MAP3K13: variants seen among roughly 807,000 people sequenced by gnomAD.
The protein encoded by MAP3K13 is leucine zipper-bearing kinase.
Under a neutral mutation model 104.0 loss-of-function variants are expected in MAP3K13, and 52 were observed. That is an observed-to-expected ratio of 0.50 (90% confidence interval 0.40 to 0.63). MAP3K13 has a LOEUF of 0.63. MAP3K13 is among the 20% of genes least tolerant of loss of function. The pLI, the probability that MAP3K13 is intolerant of heterozygous loss-of-function variation, is 0.00. For synonymous variants in MAP3K13, 394 were observed against 442.2 expected (o/e 0.89, Z 1.37); for missense variants, 914 against 1,218.5 (o/e 0.75, Z 3.72).
intron 1 of MAP3K13, among the ~76,000 whole-genome samples, chr3:185,380,474 G>A (rs1387952003): frequency 7.2e-6 from 1 of 139,142 alleles, no homozygotes; most frequent in East Asian, 2.1e-4. Context: ...TCACGTCACC[G>A]CACTCCAGCC....
At position 185,418,778 on chromosome 3, in the gene MAP3K13, T is replaced by C. The variant is rs113401904; in HGVS notation, c.-85-9719T>C. ...GATATCATTGGGCGAGCACACGCCATGGCGGAGAGAGGAGACAGCCACGCT... is the reference window on the plus strand; with the variant it reads ...GATATCATTGGGCGAGCACACGCCACGGCGGAGAGAGGAGACAGCCACGCT... On this transcript the variant is annotated intron_variant, in intron 1 of 13. Coordinates refer to ENST00000265026, the MANE Select transcript of MAP3K13 (RefSeq NM_004721.5). This position sits in a 1 kb window ranked among gnomAD's most constrained non-coding sequence, Gnocchi z 4.5. 1.9e-6 allele frequency: 3 copies of C among 1,600,082 alleles called. No individual in the cohort carries two copies. The highest frequency in any genetic ancestry group is 1.7e-6 in the Non-Finnish European group (2 of 1,169,878).
At chr3:185,471,451 CTTTTTTTT>C (rs71164510) in intron 10 of MAP3K13, among the ~76,000 whole-genome samples, 1 of 75,440 alleles carries the variant, frequency 1.3e-5, no homozygotes, top group South Asian at 4.7e-4. Context: ...ACGACCTTTA[CTTTTTTTT>C]TTTTTTTTTT....
intron 2 of MAP3K13, among the ~76,000 whole-genome samples, chr3:185,324,445 T>G (rs1276940187): frequency 2.0e-5 from 3 of 152,212 alleles, no homozygotes; most frequent in Non-Finnish European, 4.4e-5. Context: ...CTTTAAAATC[T>G]TTTGATTCCT....
rs200938180 is a variant in MAP3K13, at chr3:185,473,373, G to C, written c.2042G>C (p.Ser681Thr). Residue 681 changes from serine (S) to threonine (T), a missense_variant, in exon 11 of 14, where the codon AGC becomes ACC. Coordinates refer to ENST00000265026, the MANE Select transcript of MAP3K13 (RefSeq NM_004721.5). This position sits in a 1 kb window ranked among gnomAD's most constrained non-coding sequence, Gnocchi z 4.9. The part of the protein sequence containing the change: ...RYFGPAAALR[S>T]PLSNHAQRQL... ...TTCGGCCCAGCAGCAGCCCTGCGGA[G>C]CCCACTCAGCAACCATGCTCAGAGA... is the stretch of plus-strand genomic sequence containing the variant. 4.2e-5 allele frequency: 68 copies of C among 1,614,062 alleles called. No individual in the cohort carries two copies. Among genetic ancestry groups the C allele is most frequent in the Non-Finnish European group, 1.0e-5 (12 of 1,180,046 alleles).
At chr3:185,314,597 G>C (rs1348645000) in intron 2 of MAP3K13, among the ~76,000 whole-genome samples, 1 of 151,530 alleles carries the variant, frequency 6.6e-6, no homozygotes, top group Non-Finnish European at 1.5e-5. Context: ...GCCTGGGTGA[G>C]AGCAACTCCA....
intron 2 of MAP3K13, among the ~76,000 whole-genome samples, chr3:185,319,315 A>G (rs1457107009): frequency 1.3e-5 from 2 of 152,240 alleles, no homozygotes; most frequent in Non-Finnish European, 2.9e-5. Flanking sequence ...AAGTATACAT[A>G]TATTCCTGTG....
intron 1 of MAP3K13, among the ~76,000 whole-genome samples, chr3:185,393,619 C>T (rs531861069): frequency 1.3e-5 from 2 of 152,012 alleles, no homozygotes; most frequent in Admixed American, 6.6e-5. Flanking sequence ...CCACTGCACC[C>T]GGCTAATTTT....
intron 2 of MAP3K13, among the ~76,000 whole-genome samples, chr3:185,327,583 A>G (rs1722082666): frequency 1.3e-5 from 2 of 152,196 alleles, no homozygotes; most frequent in African/African-American, 4.8e-5. Flanking sequence ...TGCAGTAAGT[A>G]TGTAATAAAT....
intron 7 of MAP3K13, among the ~76,000 whole-genome samples, chr3:185,455,058 TGA>T (rs777185032): frequency 0.043 from 4,433 of 102,688 alleles, 733 homozygotes; most frequent in Non-Finnish European, 0.052. Flanking sequence ...GAGATATATG[TGA>T]GATATATATG....
At position 185,348,646 on chromosome 3, in the gene MAP3K13, T is replaced by A. The variant is rs542164215; in HGVS notation, c.-86+63003T>A. 3.9e-5 allele frequency among the ~76,000 whole-genome samples: 6 copies of A among 152,218 alleles called. 1 individual carries two copies. The highest frequency in any genetic ancestry group is 1.4e-4 in the African/African-American group (6 of 41,548). The stretch of plus-strand genomic sequence containing the variant: ...GCTATAAGATAGGCCTGGCCAGGCA[T>A]GGTGGCTCACGCTTGTAATCCCAGC... On this transcript the variant is annotated intron_variant, in intron 2 of 14. Coordinates refer to the MAP3K13 transcript ENST00000424227.
At chr3:185,428,437 G>C in intron 1 of MAP3K13, 60 bp from the exon 2 acceptor site, 2 of 1,063,178 alleles carry the variant, frequency 1.9e-6, no homozygotes, top group Non-Finnish European at 2.6e-6. Context: ...GCAAACAGAA[G>C]TGTCGTAGTG....
chr3:185,362,958 CACACACA>C (rs1723701840), upstream of MAP3K13: 1 of 106,296 alleles, frequency 9.4e-6, no homozygotes, highest in Non-Finnish European at 1.4e-5. Context: ...CACACACACG[CACACACA>C]CACACACACA....
chr3:185,286,486 G>A lies in MAP3K13; in HGVS notation c.-86+843G>A, dbSNP rs568646174. Reference sequence around the variant, plus strand: ...ATACAAAGATTTTTTTCACCATATTGTTTGAAATTAAAAAAAAAAAAAATC... The same window carrying A: ...ATACAAAGATTTTTTTCACCATATTATTTGAAATTAAAAAAAAAAAAAATC... On this transcript the variant is annotated intron_variant, in intron 2 of 14. Coordinates refer to the MAP3K13 transcript ENST00000424227. 5.3e-5 allele frequency among the ~76,000 whole-genome samples: 8 copies of A among 149,552 alleles called. No homozygotes were observed. In the South Asian group the frequency reaches 1.3e-3, roughly 24 times the overall value.
chr3:185,433,695 T>A (rs1454600527), intron 2 of MAP3K13, among the ~76,000 whole-genome samples: 1 of 152,222 alleles, frequency 6.6e-6, no homozygotes, highest in East Asian at 1.9e-4. Context: ...CCACTTTATT[T>A]TTCTATGGAT....
At chr3:185,432,443 G>A (rs1437970995) in intron 2 of MAP3K13, among the ~76,000 whole-genome samples, 2 of 151,916 alleles carry the variant, frequency 1.3e-5, no homozygotes, top group Non-Finnish European at 1.5e-5. Context: ...TACCTGCCTC[G>A]GCCTTCCAAA....
intron 2 of MAP3K13, among the ~76,000 whole-genome samples, chr3:185,323,106 A>G (rs185648911): frequency 1.9e-4 from 29 of 152,262 alleles, no homozygotes; most frequent in Admixed American, 3.9e-4. Flanking sequence ...AGATGTATAG[A>G]AAATCTGCTA....
chr3:185,429,246 G>T (rs1391225825), intron 2 of MAP3K13, among the ~76,000 whole-genome samples, 190 bp downstream of exon 2: 1 of 152,124 alleles, frequency 6.6e-6, no homozygotes, highest in African/African-American at 2.4e-5. Flanking sequence ...GTCTTTTTTG[G>T]TTGTAGCCCA....
chr3:185,401,072 T>C (rs1355649194), intron 1 of MAP3K13, among the ~76,000 whole-genome samples: 1 of 152,134 alleles, frequency 6.6e-6, no homozygotes, highest in African/African-American at 2.4e-5. Context: ...TTATACAAGC[T>C]CATGCGTGCA....
intron 13 of MAP3K13, 84 bp downstream of exon 13, chr3:185,480,613 A>G: frequency 7.2e-7 from 1 of 1,381,696 alleles, no homozygotes; most frequent in Non-Finnish European, 9.8e-7. Context: ...TACAATTTTC[A>G]TTTAATAATA....
Sources: gnomAD v4.1 joint callset for allele counts (sites outside exome capture counted in the v4.1 genomes callset) on GRCh38, gnomAD v4.1.1 for gene constraint, Gnocchi (gnomAD v3.1) non-coding constraint, MANE v1.5 for transcripts, NCBI Gene and HGNC (gene_info 2026-07-23, HGNC 2026-07-21) for gene names.